Variants in CDH3 observed in about 807,000 individuals in gnomAD.
The protein encoded by CDH3 is cadherin 3.
Under a neutral mutation model 82.0 loss-of-function variants are expected in CDH3, and 54 were observed. The ratio of observed to expected loss-of-function variants is 0.66; its 90% CI spans 0.53 to 0.83. CDH3 has a LOEUF of 0.83. Ranked by LOEUF, CDH3 falls within the 40% of genes least tolerant of loss-of-function variation. CDH3 has a pLI of 0.00. For missense variants in CDH3, 1,054 were observed against 1,084.6 expected, an observed-to-expected ratio of 0.97 and a Z score of 0.40; for synonymous variants, 446 against 437.9, an observed-to-expected ratio of 1.02 and a Z score of -0.23.
chr16:68,698,142 C>T (rs760323967), intron 15 of CDH3, 49 bp from the exon 16 acceptor site: 4 of 1,561,924 alleles, frequency 2.6e-6, no homozygotes, highest in South Asian at 1.1e-5. Context: ...TTGCAGCTGG[C>T]AAGAGGCAGG....
intron 1 of CDH3, among the ~76,000 whole-genome samples, chr16:68,712,699 TG>T (rs1164498088): frequency 3.9e-5 from 6 of 151,932 alleles, no homozygotes; most frequent in Non-Finnish European, 5.9e-5. Context: ...TTTTTTTTTT[TG>T]AGATGGCGAC....
At chr16:68,720,788 T>A (rs1476696056) in intron 1 of CDH3, among the ~76,000 whole-genome samples, 1 of 151,922 alleles carries the variant, frequency 6.6e-6, no homozygotes, top group Non-Finnish European at 1.5e-5. Context: ...CGCCGACTAA[T>A]TTTTGTATTA....
downstream of CDH3, among the ~76,000 whole-genome samples, chr16:68,700,548 A>G (rs1159579528): frequency 1.3e-5 from 2 of 152,226 alleles, no homozygotes; most frequent in Non-Finnish European, 2.9e-5. Context: ...TCACGCCTGT[A>G]ATTCCAACAC....
chr16:68,691,951 C>T (rs1360753564), intron 13 of CDH3, 25 bp downstream of exon 13: 2 of 1,570,744 alleles, frequency 1.3e-6, no homozygotes, highest in Non-Finnish European at 1.7e-6. Context: ...CCCACCCCCT[C>T]CCTGAGGATG....
chr16:68,729,950 G>A (rs753400058), downstream of CDH3, among the ~76,000 whole-genome samples: 5 of 152,020 alleles, frequency 3.3e-5, no homozygotes, highest in Non-Finnish European at 7.4e-5. Flanking sequence ...ATTAATAATT[G>A]TTTGCCAGGT....
chr16:68,711,761 C>T (rs565992790), intron 1 of CDH3, among the ~76,000 whole-genome samples: 2 of 152,210 alleles, frequency 1.3e-5, no homozygotes, highest in South Asian at 2.1e-4. Context: ...GTAGGGGGCA[C>T]GAGGGCGAGG....
At chr16:68,661,285 T>C (rs1960569876) in intron 2 of CDH3, among the ~76,000 whole-genome samples, 1 of 152,214 alleles carries the variant, frequency 6.6e-6, no homozygotes, top group African/African-American at 2.4e-5. Flanking sequence ...AGAGCCACTG[T>C]GTCTGGGTTG....
Position 68,714,597 on chromosome 16 carries a change from C to T in CDH3, c.100-7828C>T, listed in dbSNP as rs75900533. Reference sequence around the variant, plus strand: ...AATTGTAATTGTCTCTTTACCTGTCCATTTCCCCAACCAGTCTGAGGGACT... The same window carrying T: ...AATTGTAATTGTCTCTTTACCTGTCTATTTCCCCAACCAGTCTGAGGGACT... On this transcript the variant is annotated intron_variant, in intron 1 of 2. Coordinates refer to the CDH3 transcript ENST00000569080. 2.0e-5 allele frequency among the ~76,000 whole-genome samples: 3 copies of T among 152,296 alleles called. No individual in the cohort carries two copies. In the East Asian group the frequency reaches 5.8e-4, roughly 29 times the overall value.
At chr16:68,665,559 T>C (rs1428641246) in intron 2 of CDH3, among the ~76,000 whole-genome samples, 2 of 152,146 alleles carry the variant, frequency 1.3e-5, no homozygotes, top group African/African-American at 2.4e-5. Context: ...TTAAACAGTT[T>C]AGAGATTAAG....
chr16:68,705,567 G>A (rs1272877859), intron 1 of CDH3, among the ~76,000 whole-genome samples: 2 of 151,762 alleles, frequency 1.3e-5, no homozygotes, highest in East Asian at 2.0e-4. Flanking sequence ...GATTACAGGC[G>A]CATGCCACCA....
intron 2 of CDH3, among the ~76,000 whole-genome samples, chr16:68,646,511 CT>C (rs1360737936): frequency 0.021 from 2,734 of 127,820 alleles, 30 homozygotes; most frequent in Non-Finnish European, 0.033. Context: ...TACCCCCCCC[CT>C]CCCCGCCCCA....
At position 68,698,565 on chromosome 16, in the gene CDH3, C is replaced by T; in HGVS notation, c.*165C>T. ...GACGTTAGAGTGGTGGCTTCCTTAG[C>T]CTTTCAGGATGGAGGAATGTGGGCA... On this transcript the variant is annotated 3_prime_UTR_variant, in exon 16 of 16. Coordinates refer to ENST00000264012, the MANE Select transcript of CDH3 (RefSeq NM_001793.6). The T allele has an allele frequency of 1.6e-6, 1 of 636,782 alleles. No homozygotes were observed. Among genetic ancestry groups the T allele is most frequent in the South Asian group, 1.9e-5 (1 of 52,510 alleles). 39.4% of individuals were successfully genotyped at this position (636,782 alleles called of 1,614,324 possible). A position where few individuals can be genotyped will look rare whatever the true frequency, so the allele number is the denominator to read the frequency against.
At chr16:68,722,546 C>T (rs987058023) in exon 2 of CDH3, 1 of 152,266 alleles carries the variant, frequency 6.6e-6, no homozygotes, top group African/African-American at 2.4e-5. Flanking sequence ...AAGACACAGC[C>T]CTTCCACAAA....
rs8060790 is a variant in CDH3, at chr16:68,695,209, A to G, written c.2003-46A>G. On this transcript the variant is annotated intron_variant, in intron 13 of 15. Transcript: ENST00000264012. ...TCTGAGGGCCTGGGGGTCTTGGCCCACTGTGTGGTTACAGAGGGAGCACTC... is the reference window on the plus strand; with the variant it reads ...TCTGAGGGCCTGGGGGTCTTGGCCCGCTGTGTGGTTACAGAGGGAGCACTC... 0.59 allele frequency: 957,212 copies of G among 1,609,844 alleles called. 286,377 individuals carry two copies. Among genetic ancestry groups the G allele is most frequent in the Non-Finnish European group, 0.61 (718,840 of 1,176,734 alleles).
At chr16:68,702,779 C>G (rs1261061122), downstream of CDH3, among the ~76,000 whole-genome samples, 3 of 151,946 alleles carry the variant, frequency 2.0e-5, no homozygotes, top group African/African-American at 7.3e-5. Context: ...GGAGGAGAAT[C>G]GCTTGAGCCC....
chr16:68,718,294 G>A (rs1381251771), intron 1 of CDH3, among the ~76,000 whole-genome samples: 12 of 152,030 alleles, frequency 7.9e-5, no homozygotes, highest in Non-Finnish European at 1.5e-4. Context: ...GTGAGCCACC[G>A]AACTGGCTAA....
chr16:68,653,228 A>ATTATT (rs1003560013), intron 2 of CDH3, among the ~76,000 whole-genome samples: 15 of 148,388 alleles, frequency 1.0e-4, no homozygotes, highest in Non-Finnish European at 1.6e-4. Flanking sequence ...TAATTTTTCA[A>ATTATT]TTATTTTATT....
In CDH3 at chr16:68,698,182, T is replaced by C. The variant is rs1961792687; in HGVS notation, c.2281-9T>C. 1 of 1,614,062 alleles carries C rather than the reference T, an allele frequency of 6.2e-7. No homozygotes were observed. The highest frequency in any genetic ancestry group is 1.7e-5 in the Admixed American group (1 of 60,010). The stretch of plus-strand genomic sequence containing the variant: ...GCCGCTCCTAACTACCTGTTCTCTG[T>C]TGCCGCAGAACCTGAAGGCGGCTAA... On this transcript the variant is annotated splice_polypyrimidine_tract_variant and intron_variant, in intron 15 of 15. Transcript: ENST00000264012.
chr16:68,723,107 A>C (rs771441284), intron 2 of CDH3, among the ~76,000 whole-genome samples: 1 of 151,216 alleles, frequency 6.6e-6, no homozygotes, highest in Non-Finnish European at 1.5e-5. Flanking sequence ...GAATAAATGT[A>C]TCACATATAT....
Sources: allele counts gnomAD v4.1 joint callset (sites outside exome capture counted in the v4.1 genomes callset), GRCh38; gene constraint gnomAD v4.1.1; transcripts MANE v1.5; gene names NCBI Gene and HGNC (gene_info 2026-07-23, HGNC 2026-07-21).